The following ASPM variants were observed in gnomAD, a reference collection of about 807,000 sequenced individuals.
ASPM encodes abnormal spindle-like microcephaly-associated protein.
ASPM carries 256 observed loss-of-function variants against 366.4 expected under a neutral mutation model. The observed-to-expected ratio is 0.70, with a 90% CI of 0.63 to 0.77. ASPM has a LOEUF of 0.77. ASPM is among the 30% of genes least tolerant of loss of function. The pLI is 0.00. For synonymous variants in ASPM, 1,414 were observed against 1,342.9 expected (o/e 1.05, Z -1.16); for missense variants, 4,146 against 4,090.4 (o/e 1.01, Z -0.37).
In ASPM at chr1:197,128,613, C is replaced by A; in HGVS notation, c.2813G>T (p.Gly938Val). ...TAAGCCAAGGTGACGGGAAAGGTCA[C>A]CTTCACCACTTAGGAAATCTCGTGA... is the stretch of plus-strand genomic sequence containing the variant. The part of the protein sequence containing the change: ...AFSRDFLSGE[G>V]DLSRHLGLLG... Residue 938 changes from glycine (G) to valine (V), a missense_variant, in exon 10 of 28, where the codon GGT becomes GTT. By Grantham distance (109) the Gly-to-Val change is moderately radical (BLOSUM62 -3). This residue lies in a region of ASPM where 3,624 missense variants were observed against 3,591.7 expected (regional missense o/e 1.01). Coordinates refer to ENST00000367409, the MANE Select transcript of ASPM (RefSeq NM_018136.5). 6.2e-7 allele frequency: 1 copy of A among 1,613,828 alleles called. No homozygotes were observed. Among genetic ancestry groups the A allele is most frequent in the Non-Finnish European group, 8.5e-7 (1 of 1,179,806 alleles).
intron 27 of ASPM, among the ~76,000 whole-genome samples, chr1:197,085,648 C>CA (rs2125085765): frequency 6.6e-6 from 1 of 152,138 alleles, no homozygotes; most frequent in Admixed American, 6.5e-5. Context: ...AATCCAGTCA[C>CA]AAAAAGCTAT....
chr1:197,088,561 G>A, intron 25 of ASPM, 129 bp from the exon 26 acceptor site: 1 of 697,374 alleles, frequency 1.4e-6, no homozygotes, highest in Non-Finnish European at 2.4e-6. Flanking sequence ...TGCAGCAAGT[G>A]CAAAGGACTT....
intron 26 of ASPM, among the ~76,000 whole-genome samples, chr1:197,087,449 G>A (rs1169422208): frequency 1.3e-5 from 2 of 152,004 alleles, no homozygotes; most frequent in Non-Finnish European, 2.9e-5. Context: ...TTTAAATTAC[G>A]AGCTAATTTG....
chr1:197,111,405 C>T (rs1278697494), intron 17 of ASPM, among the ~76,000 whole-genome samples: 1 of 151,916 alleles, frequency 6.6e-6, no homozygotes, highest in Non-Finnish European at 1.5e-5. Context: ...GTCAAGATGG[C>T]TGTTTTTAAA....
At chr1:197,098,435 T>A (rs565139345) in intron 18 of ASPM, among the ~76,000 whole-genome samples, 1 of 151,584 alleles carries the variant, frequency 6.6e-6, no homozygotes, top group Non-Finnish European at 1.5e-5. Flanking sequence ...AAAAATTATA[T>A]GTGTAAAATA....
At chr1:197,115,069 G>A (rs1006409156) in intron 17 of ASPM, among the ~76,000 whole-genome samples, 1 of 151,786 alleles carries the variant, frequency 6.6e-6, no homozygotes, top group South Asian at 2.1e-4. Context: ...TTTTAAATGG[G>A]GTCTCACTTT....
In ASPM at chr1:197,103,544, T is replaced by C; in HGVS notation, c.5707A>G (p.Lys1903Glu). 6.2e-7 allele frequency: 1 copy of C among 1,613,226 alleles called. No individual in the cohort carries two copies. The highest frequency in any genetic ancestry group is 8.5e-7 in the Non-Finnish European group (1 of 1,179,542). Residue 1903 changes from lysine to glutamate, a missense_variant, in exon 18 of 28, where the codon AAG becomes GAG. By Grantham distance (56) the Lys-to-Glu change is moderately conservative (BLOSUM62 1). Transcript: ENST00000367409. ...QIRREHQAAL[K>E]IQSAFRMAKA... ...GCCATTCTAAAAGCAGACTGAATCT[T>C]CAAGGCAGCTTGATGTTCCCTTCTA...
intron 5 of ASPM, among the ~76,000 whole-genome samples, chr1:197,134,194 T>TC (rs1462470403): frequency 6.6e-6 from 1 of 151,394 alleles, no homozygotes; most frequent in Non-Finnish European, 1.5e-5. Context: ...GCCTAGGAGT[T>TC]CAAGACCAAC....
intron 17 of ASPM, among the ~76,000 whole-genome samples, chr1:197,109,291 A>G (rs952339287): frequency 6.6e-6 from 1 of 152,120 alleles, no homozygotes; most frequent in African/African-American, 2.4e-5. Flanking sequence ...TCAATAAAAT[A>G]CTAGCAAGTG....
intron 18 of ASPM, among the ~76,000 whole-genome samples, chr1:197,096,588 CTG>C: frequency 6.6e-6 from 1 of 151,856 alleles, no homozygotes; most frequent in Non-Finnish European, 1.5e-5. Flanking sequence ...ACTTTGGGTT[CTG>C]TGTTCAGCCT....
At chr1:197,135,291 T>A in intron 4 of ASPM, 49 bp from the exon 5 acceptor site, 2 of 1,567,912 alleles carry the variant, frequency 1.3e-6, no homozygotes, top group Non-Finnish European at 1.8e-6. Flanking sequence ...TTTAACTTAT[T>A]GTACAATATA....
chr1:197,139,400 C>T, intron 4 of ASPM: 2 of 564,734 alleles, frequency 3.5e-6, no homozygotes, highest in Non-Finnish European at 6.3e-6. Context: ...TGCCCGACCA[C>T]CCCGGCCAAC....
At position 197,101,109 on chromosome 1, in the gene ASPM, T is replaced by C; in HGVS notation, c.8142A>G (p.Ala2714=). 1 of 1,612,092 alleles carries C rather than the reference T, an allele frequency of 6.2e-7. No homozygotes were observed. Among genetic ancestry groups the C allele is most frequent in the South Asian group, 1.1e-5 (1 of 91,040 alleles). Residue 2714 remains alanine, a synonymous_variant, in exon 18 of 28, where the codon GCA becomes GCG. Coordinates refer to ENST00000367409, the MANE Select transcript of ASPM (RefSeq NM_018136.5). Reference sequence around the variant, plus strand: ...TATAATAATTCTGTATAACCACAATTGCAGTTTTCTTTGTTTCATAATCAA... The same window carrying C: ...TATAATAATTCTGTATAACCACAATCGCAGTTTTCTTTGTTTCATAATCAA... ...AKVDYETKKT[A]IVVIQNYYRL... is the part of the protein sequence containing the mutation.
rs760835129 is a variant in ASPM at position 197,146,280 on chromosome 1, C to G, written c.158G>C (p.Gly53Ala). ...CCGTGAGGCTCCCAGGAGAACGTCC[C>G]CGAAGCAAAGGAAAGGAGACCTGCA... ...HFCRSPFLCF[G>A]DVLLGASRTL... The change falls in exon 1 of 28, where the codon GGG becomes GCG. Residue 53 changes from glycine (G) to alanine (A), a missense_variant. Physicochemically the swap from Gly to Ala is moderately conservative, Grantham distance 60. Coordinates refer to ENST00000367409, the MANE Select transcript of ASPM (RefSeq NM_018136.5). 6.2e-7 allele frequency: 1 copy of G among 1,614,082 alleles called. No individual in the cohort carries two copies. The highest frequency in any genetic ancestry group is 1.1e-5 in the South Asian group (1 of 91,080).
intron 20 of ASPM, 74 bp from the exon 21 acceptor site, chr1:197,093,335 A>G (rs890386721): frequency 1.1e-4 from 128 of 1,171,466 alleles, no homozygotes; most frequent in Non-Finnish European, 1.4e-4. Context: ...AAGTTCTTGA[A>G]TTTCTCAATG....
At position 197,091,143 on chromosome 1, in the gene ASPM, T is replaced by C. The variant is rs892848861; in HGVS notation, c.9445-102A>G. ...CATAAATGAAAGAAATAGAACAGTA[T>C]ATCAAGAAATCTTTCAGCTTTCCAC... On this transcript the variant is annotated intron_variant, in intron 22 of 27. Transcript: ENST00000367409. The C allele has an allele frequency of 7.6e-6, 8 of 1,046,768 alleles. No homozygotes were observed. In the African/African-American group the frequency reaches 1.1e-4, roughly 15 times the overall value. The allele number at this position is 1,046,768 out of a possible 1,614,324, so 64.8% of individuals were successfully genotyped here.
At chr1:197,119,758 G>A (rs1413057234) in intron 16 of ASPM, among the ~76,000 whole-genome samples, 3 of 152,048 alleles carry the variant, frequency 2.0e-5, no homozygotes, top group African/African-American at 7.2e-5. Flanking sequence ...TTGTTGACAG[G>A]AAGAACTGAG....
Position 197,104,542 on chromosome 1 carries a change from C to T in ASPM, c.4709G>A (p.Trp1570Ter). ...TCGAACTCTGTCTTGTCTCATTCTC[C>T]AGTATGACTGAATAACACAAGCAGC... ...IRAACVIQSY[W>*]RMRQDRVRFL... Residue 1570 changes from tryptophan to a stop codon, truncating the protein, a stop_gained, in exon 18 of 28, where the codon TGG (tryptophan) becomes TAG (stop). Coordinates refer to ENST00000367409, the MANE Select transcript of ASPM (RefSeq NM_018136.5). LOFTEE classifies it high-confidence loss of function. 1 of 1,612,688 alleles carries T rather than the reference C, an allele frequency of 6.2e-7. No individual in the cohort carries two copies.
intron 1 of ASPM, 29 bp from the exon 2 acceptor site, chr1:197,144,129 T>C (rs1658694539): frequency 6.7e-7 from 1 of 1,493,870 alleles, no homozygotes; most frequent in African/African-American, 1.4e-5. Context: ...ATTATATAAT[T>C]ACAATAGTAA....
Sources: allele counts gnomAD v4.1 joint callset (sites outside exome capture counted in the v4.1 genomes callset), GRCh38; gene constraint gnomAD v4.1.1; regional missense constraint gnomAD v4.1.1; transcripts MANE v1.5; gene names NCBI Gene and HGNC (gene_info 2026-07-23, HGNC 2026-07-21).